Variants in SDK1 observed in about 807,000 individuals in gnomAD.
The protein encoded by SDK1 is sidekick cell adhesion molecule 1.
SDK1 carries 157 observed loss-of-function variants against 245.5 expected under a neutral mutation model. The ratio of observed to expected loss-of-function variants is 0.64; its 90% CI spans 0.56 to 0.73. The LOEUF (loss-of-function observed/expected upper bound fraction) is 0.73, where lower values mean the gene tolerates loss of function less well. Among genes scored for constraint, SDK1 ranks in the 30% least tolerant of loss-of-function variants. The pLI, the probability that SDK1 is intolerant of heterozygous loss-of-function variation, is 0.00. For missense variants in SDK1, 3,583 were observed against 3,002.3 expected (o/e 1.19, Z -4.52); for synonymous variants, 1,647 against 1,278.5 (o/e 1.29, Z -6.15).
chr7:3,905,346 A>G (rs1778863518), intron 5 of SDK1, among the ~76,000 whole-genome samples: 1 of 152,206 alleles, frequency 6.6e-6, no homozygotes, highest in African/African-American at 2.4e-5. Context: ...TGTTACTCTC[A>G]TTCTTGAATG....
At chr7:3,790,383 A>G (rs906455666) in intron 4 of SDK1, among the ~76,000 whole-genome samples, 9 of 152,166 alleles carry the variant, frequency 5.9e-5, no homozygotes, top group African/African-American at 1.9e-4. Context: ...GGCAGGTTCT[A>G]ACGAGGAGCC....
intron 5 of SDK1, among the ~76,000 whole-genome samples, chr7:3,944,452 G>A (rs760735610): frequency 1.1e-4 from 17 of 152,226 alleles, no homozygotes; most frequent in Non-Finnish European, 2.2e-4. Context: ...AATGTAGGAC[G>A]TTGAAGTAGA....
intron 22 of SDK1, among the ~76,000 whole-genome samples, chr7:4,081,289 G>T (rs532715799): frequency 1.2e-4 from 19 of 152,336 alleles, no homozygotes; most frequent in African/African-American, 9.6e-5. Context: ...ACGTGGCCCT[G>T]TGTCACTGCA....
chr7:4,238,742 T>C (rs1008971367), intron 42 of SDK1, among the ~76,000 whole-genome samples: 4 of 151,792 alleles, frequency 2.6e-5, no homozygotes, highest in African/African-American at 9.7e-5. Context: ...TGGATGGGGT[T>C]TCTCCATGTT....
intron 4 of SDK1, among the ~76,000 whole-genome samples, chr7:3,772,512 A>C (rs10247866): frequency 0.032 from 4,891 of 152,280 alleles, 255 homozygotes; most frequent in African/African-American, 0.11. Context: ...TGTGGGGTTA[A>C]AAACCAAAGT....
intron 13 of SDK1, 84 bp downstream of exon 13, chr7:3,974,629 G>A: frequency 7.5e-7 from 1 of 1,339,960 alleles, no homozygotes; most frequent in Admixed American, 1.8e-5. Flanking sequence ...CTTCACAAGT[G>A]TCACGCCCGG....
intron 4 of SDK1, among the ~76,000 whole-genome samples, chr7:3,693,277 T>C (rs1212483588): frequency 1.3e-5 from 2 of 152,184 alleles, no homozygotes; most frequent in African/African-American, 4.8e-5. Context: ...CTAATTTCCC[T>C]TTTTGCATAA....
At chr7:3,914,908 A>G (rs1445194007) in intron 5 of SDK1, among the ~76,000 whole-genome samples, 1 of 152,200 alleles carries the variant, frequency 6.6e-6, no homozygotes, top group Admixed American at 6.5e-5. Context: ...AGTGTGTTTG[A>G]TGTGTCTTAA....
chr7:3,338,464 A>G, intron 1 of SDK1: 1 of 515,344 alleles, frequency 1.9e-6, no homozygotes, highest in Non-Finnish European at 3.7e-6. Flanking sequence ...AAATGATCAG[A>G]AAAAGAAGGA....
rs117574229 is a variant in SDK1 at position 3,384,236 on chromosome 7, T to C, written c.298+82352T>C. On this transcript the variant is annotated intron_variant, in intron 1 of 44. Transcript: ENST00000404826. Reference sequence around the variant, plus strand: ...ATTTCTTAAAATTGATCTTCCAGTATTTTTTATGTATACTTTTTAGTGCTT... The same window carrying C: ...ATTTCTTAAAATTGATCTTCCAGTACTTTTTATGTATACTTTTTAGTGCTT... 6.2e-3 allele frequency among the ~76,000 whole-genome samples: 951 copies of C among 152,326 alleles called. 4 individuals are homozygous for C. The highest frequency in any genetic ancestry group is 0.014 in the Middle Eastern group (4 of 294).
intron 5 of SDK1, among the ~76,000 whole-genome samples, chr7:3,833,251 C>G (rs974705441): frequency 6.6e-6 from 1 of 152,066 alleles, no homozygotes; most frequent in East Asian, 1.9e-4. Context: ...TCAGTAATGG[C>G]GAGCATCCGG....
intron 1 of SDK1, among the ~76,000 whole-genome samples, chr7:3,354,810 CAAAAT>C (rs1780749586): frequency 6.6e-6 from 1 of 152,142 alleles, no homozygotes; most frequent in South Asian, 2.1e-4. Flanking sequence ...TTGAATATCT[CAAAAT>C]GAAAACAGAA....
At chr7:3,683,392 C>CAGGGAGATTTTTGAGGCGAGT (rs1784169717) in intron 4 of SDK1, among the ~76,000 whole-genome samples, 1 of 152,070 alleles carries the variant, frequency 6.6e-6, no homozygotes, top group Non-Finnish European at 1.5e-5. Context: ...AGGAAGCAGA[C>CAGGGAGATTTTTGAGGCGAGT]AGGGAGATTT....
intron 4 of SDK1, among the ~76,000 whole-genome samples, chr7:3,738,184 T>G (rs938286116): frequency 6.6e-6 from 1 of 152,248 alleles, no homozygotes; most frequent in African/African-American, 2.4e-5. Flanking sequence ...ATTTTAGGTC[T>G]TAGGTTTAAA....
chr7:3,500,647 T>C (rs1281951900), intron 1 of SDK1, among the ~76,000 whole-genome samples: 1 of 151,576 alleles, frequency 6.6e-6, no homozygotes, highest in African/African-American at 2.4e-5. Context: ...TCCTTTGTGC[T>C]CGGTACTCAG....
intron 1 of SDK1, among the ~76,000 whole-genome samples, chr7:3,485,781 G>C (rs1781676309): frequency 7.3e-6 from 1 of 136,822 alleles, no homozygotes; most frequent in Non-Finnish European, 1.5e-5. Flanking sequence ...ATTCATAAGT[G>C]CTATTCCCAC....
At chr7:3,504,224 C>G (rs1782315460) in intron 1 of SDK1, among the ~76,000 whole-genome samples, 1 of 70,630 alleles carries the variant, frequency 1.4e-5, no homozygotes, top group Non-Finnish European at 3.1e-5. Flanking sequence ...AGATAAAACA[C>G]AATTCATATC....
chr7:3,859,863 C>T (rs754117714), intron 5 of SDK1, among the ~76,000 whole-genome samples: 16 of 152,036 alleles, frequency 1.1e-4, no homozygotes, highest in South Asian at 2.1e-4. Flanking sequence ...AAAATAATGA[C>T]GTGTGGGGAA....
chr7:3,532,641 ATAGT>A (rs778494599), intron 1 of SDK1, among the ~76,000 whole-genome samples: 7 of 152,204 alleles, frequency 4.6e-5, no homozygotes, highest in Non-Finnish European at 1.0e-4. Context: ...TATTAGGAAC[ATAGT>A]TAGTAGTCTT....
Sources: allele counts gnomAD v4.1 joint callset (sites outside exome capture counted in the v4.1 genomes callset), GRCh38; gene constraint gnomAD v4.1.1; transcripts MANE v1.5; gene names NCBI Gene and HGNC (gene_info 2026-07-23, HGNC 2026-07-21).